Variants in DGKB observed in about 807,000 individuals in gnomAD.
The protein encoded by DGKB is 90 kDa diacylglycerol kinase.
In DGKB, 67 loss-of-function variants were observed where a neutral mutation model predicts 114.3. The observed-to-expected ratio is 0.59, with a 90% CI of 0.48 to 0.72. DGKB has a LOEUF of 0.72. Among genes scored for constraint, DGKB ranks in the 30% least tolerant of loss-of-function variants. DGKB has a pLI of 0.00. For missense variants in DGKB, 907 were observed against 975.2 expected (o/e 0.93, Z 0.93); for synonymous variants, 398 against 323.1 (o/e 1.23, Z -2.49).
chr7:14,390,126 C>A (rs1821093387), intron 21 of DGKB, among the ~76,000 whole-genome samples: 1 of 152,246 alleles, frequency 6.6e-6, no homozygotes, highest in South Asian at 2.1e-4. Flanking sequence ...ATGCTACTTG[C>A]CCATTTCTGA....
At chr7:14,662,214 A>G (rs1454870782) in intron 13 of DGKB, among the ~76,000 whole-genome samples, 1 of 151,892 alleles carries the variant, frequency 6.6e-6, no homozygotes, top group African/African-American at 2.4e-5. Flanking sequence ...ATAATTAAAA[A>G]AAATAAAAAT....
At chr7:14,177,930 G>C in intron 24 of DGKB, 101 bp downstream of exon 24, 1 of 1,231,120 alleles carries the variant, frequency 8.1e-7, no homozygotes, top group Non-Finnish European at 1.1e-6. Flanking sequence ...ATTATTTGGA[G>C]CCCAAAGAAG....
rs534441506 is a variant in DGKB at position 14,288,057 on chromosome 7, G to A, written c.2122+50458C>T. Among the ~76,000 whole-genome samples, 4 of 152,138 alleles carry A rather than the reference G, an allele frequency of 2.6e-5. No individual in the cohort carries two copies. In the East Asian group the frequency reaches 7.7e-4, roughly 29 times the overall value. ...TTCTCTGCAAATAGCTTCTTGAGAT[G>A]CTTATGGTTCTTATATTGTTAAAAT... On this transcript the variant is annotated intron_variant, in intron 23 of 25. Transcript: ENST00000402815.
chr7:14,348,413 G>A lies in DGKB; in HGVS notation c.1836-3022C>T, dbSNP rs182624673. 1.6e-3 allele frequency among the ~76,000 whole-genome samples: 248 copies of A among 151,770 alleles called. 7 individuals are homozygous for A. The highest frequency in any genetic ancestry group is 0.015 in the Admixed American group (232 of 15,202). ...AATATATAAAGAACTCTGATGATTC[G>A]GCAGTAAAAGCAACCCAAACAATTT... is the stretch of plus-strand genomic sequence containing the variant. On this transcript the variant is annotated intron_variant, in intron 21 of 25. Transcript: ENST00000402815.
intron 23 of DGKB, among the ~76,000 whole-genome samples, chr7:14,219,430 C>G (rs999379245): frequency 3.3e-5 from 5 of 151,820 alleles, no homozygotes; most frequent in Admixed American, 3.3e-4. Context: ...CTTGGCAACA[C>G]TTAGTGTTAT....
At chr7:14,950,115 G>GA (rs559888339) in intron 1 of DGKB, among the ~76,000 whole-genome samples, 1 of 150,338 alleles carries the variant, frequency 6.7e-6, no homozygotes, top group Non-Finnish European at 1.5e-5. Context: ...TAAAAAAAAA[G>GA]AAAAAAAATG....
At chr7:14,229,269 A>G (rs150680904) in intron 23 of DGKB, among the ~76,000 whole-genome samples, 31 of 152,108 alleles carry the variant, frequency 2.0e-4, no homozygotes, top group East Asian at 3.9e-4. Context: ...ATACATTCTG[A>G]TAAGTGTGTT....
intron 1 of DGKB, among the ~76,000 whole-genome samples, chr7:14,863,287 T>A (rs1851251712): frequency 6.6e-6 from 1 of 151,688 alleles, no homozygotes; most frequent in Non-Finnish European, 1.5e-5. Flanking sequence ...TAGTTTATAT[T>A]AGGTACTAAC....
intron 23 of DGKB, among the ~76,000 whole-genome samples, chr7:14,180,026 C>T (rs147403394): frequency 2.1e-4 from 32 of 152,202 alleles, no homozygotes; most frequent in African/African-American, 6.5e-4. Context: ...TGTTAATATA[C>T]GCATTTCTTA....
chr7:14,270,984 A>G (rs1346092081), intron 23 of DGKB, among the ~76,000 whole-genome samples: 1 of 152,214 alleles, frequency 6.6e-6, no homozygotes, highest in African/African-American at 2.4e-5. Context: ...CTTCTTTCCC[A>G]TCTTACAGAA....
chr7:14,506,772 T>C (rs2128965703), intron 20 of DGKB, among the ~76,000 whole-genome samples: 1 of 152,308 alleles, frequency 6.6e-6, no homozygotes, highest in South Asian at 2.1e-4. Context: ...CAATGACTGC[T>C]GATATTCTCT....
intron 5 of DGKB, among the ~76,000 whole-genome samples, chr7:14,720,242 G>A (rs2128355078): frequency 6.6e-6 from 1 of 151,988 alleles, no homozygotes; most frequent in Non-Finnish European, 1.5e-5. Context: ...AGCCACCAAT[G>A]GATCAAAAAT....
At chr7:14,884,317 T>C (rs1326063993) in intron 1 of DGKB, among the ~76,000 whole-genome samples, 1 of 151,956 alleles carries the variant, frequency 6.6e-6, no homozygotes, top group Admixed American at 6.6e-5. Context: ...CATTTAACTA[T>C]CCATTTTCCC....
chr7:14,748,152 C>T (rs1833623138), intron 4 of DGKB, among the ~76,000 whole-genome samples: 1 of 152,200 alleles, frequency 6.6e-6, no homozygotes, highest in Non-Finnish European at 1.5e-5. Context: ...TCTTTGAGCA[C>T]CCACTCTGCA....
At chr7:14,674,432 T>C (rs2128952221) in intron 12 of DGKB, among the ~76,000 whole-genome samples, 1 of 152,234 alleles carries the variant, frequency 6.6e-6, no homozygotes, top group African/African-American at 2.4e-5. Flanking sequence ...GTTTAAAATG[T>C]ATTATTAATT....
At chr7:14,951,906 A>G (rs973552256) in intron 1 of DGKB, among the ~76,000 whole-genome samples, 3 of 152,106 alleles carry the variant, frequency 2.0e-5, no homozygotes, top group Non-Finnish European at 2.9e-5. Context: ...AAAACAAATT[A>G]AAGAGGATCT....
intron 2 of DGKB, among the ~76,000 whole-genome samples, chr7:14,766,273 A>T (rs1439024677): frequency 1.3e-5 from 2 of 152,016 alleles, no homozygotes; most frequent in African/African-American, 2.4e-5. Flanking sequence ...GATAGATTAC[A>T]AACATAATAC....
In DGKB at chr7:14,796,182, G is replaced by C. The variant is rs552369089; in HGVS notation, c.71-38451C>G. ...ACAGCAGTTTACAAACAGATAACTTGCTTTAAGAAGGAGCAAGACAATTTT... is the reference window on the plus strand; with the variant it reads ...ACAGCAGTTTACAAACAGATAACTTCCTTTAAGAAGGAGCAAGACAATTTT... On this transcript the variant is annotated intron_variant, in intron 2 of 25. Transcript: ENST00000402815. Among the ~76,000 whole-genome samples, 11 of 152,290 alleles carry C rather than the reference G, an allele frequency of 7.2e-5. No homozygotes were observed. The South Asian group carries it at 1.2e-3, about 17-fold the overall frequency.
chr7:14,841,084 C>A, intron 2 of DGKB, 110 bp downstream of exon 2: 1 of 938,562 alleles, frequency 1.1e-6, no homozygotes, highest in South Asian at 1.9e-5. Flanking sequence ...AAAGGCAGAG[C>A]TGGATCTATC....
Sources: gnomAD v4.1 joint callset for allele counts (sites outside exome capture counted in the v4.1 genomes callset) on GRCh38, gnomAD v4.1.1 for gene constraint, MANE v1.5 for transcripts, NCBI Gene and HGNC (gene_info 2026-07-23, HGNC 2026-07-21) for gene names.